The following LMTK3 variants were observed in gnomAD, a reference collection of about 807,000 sequenced individuals.
LMTK3 encodes the protein serine/threonine-protein kinase LMTK3.
A neutral mutation model predicts 116.7 loss-of-function variants in LMTK3; 27 were observed. The observed-to-expected ratio is 0.23, with a 90% CI of 0.17 to 0.32. The LOEUF is 0.32. Among genes scored for constraint, LMTK3 ranks in the 10% least tolerant of loss-of-function variants. The pLI is 1.00. For synonymous variants in LMTK3, 965 were observed against 971.0 expected (o/e 0.99, Z 0.11); for missense variants, 1,764 against 2,068.5 (o/e 0.85, Z 2.86).
In LMTK3 at chr19:48,498,320, G is replaced by C; in HGVS notation, c.2749C>G (p.Pro917Ala). The C allele has an allele frequency of 1.9e-6, 3 of 1,613,296 alleles. No individual in the cohort carries two copies. The highest frequency in any genetic ancestry group is 2.5e-6 in the Non-Finnish European group (3 of 1,179,714). Reference protein sequence around the residue: ...PTVLGNGKQAPSLSLPVNGVT... With the variant: ...PTVLGNGKQAASLSLPVNGVT... ...CCGTTCACTGGGAGGCTCAGGCTTG[G>C]GGCTTGTTTCCCGTTGCCCAGGACT... The change falls in exon 11 of 15, where the codon CCA becomes GCA. Residue 917 changes from proline to alanine, a missense_variant. Around this residue, in one of 7 missense-constraint regions of LMTK3, gnomAD observed 1,028 missense variants for 1,050.6 expected, o/e 0.98. Coordinates refer to ENST00000600059, the MANE Select transcript of LMTK3 (RefSeq NM_001388485.1).
chr19:48,498,762 G>A lies in LMTK3; in HGVS notation c.2307C>T (p.Ser769=), dbSNP rs1450562296. The stretch of plus-strand genomic sequence containing the variant: ...TGGCCACGGCCGAAGGGGGGTCGGG[G>A]GACGCGGCCGGGTCCGCGGGGGCCC... The part of the protein sequence containing the change: ...PPRAPADPAA[S]PDPPSAVASP... Residue 769 remains serine, a synonymous_variant, in exon 11 of 15, where the codon TCC becomes TCT. Coordinates refer to ENST00000600059, the MANE Select transcript of LMTK3 (RefSeq NM_001388485.1). The A allele has an allele frequency of 1.2e-5, 18 of 1,486,794 alleles. No homozygotes were observed. The Middle Eastern group carries it at 6.9e-4, about 57-fold the overall frequency. 92.1% of individuals were successfully genotyped at this position (1,486,794 alleles called of 1,614,324 possible).
rs1972660690 is a variant in LMTK3 at position 48,511,529 on chromosome 19, G to A, written c.48C>T (p.Ser16=). The A allele has an allele frequency of 1.4e-6, 2 of 1,421,080 alleles. No individual in the cohort carries two copies. The highest frequency in any genetic ancestry group is 1.9e-6 in the Non-Finnish European group (2 of 1,073,664). The allele number at this position is 1,421,080 out of a possible 1,614,324, so 88.0% of individuals were successfully genotyped here. A position where few individuals can be genotyped will look rare whatever the true frequency, so the allele number is the denominator to read the frequency against. ...GGTGGGCCGGGGACGCCAGGCAGCCGGAGGCGGAGACGGCCGCAAGGAGGA... is the reference window on the plus strand; with the variant it reads ...GGTGGGCCGGGGACGCCAGGCAGCCAGAGGCGGAGACGGCCGCAAGGAGGA... ...ALILLAAVSA[S]GCLASPAHPD... The change falls in exon 1 of 15, where the codon TCC becomes TCT. Residue 16 remains serine (S), a synonymous_variant. Coordinates refer to ENST00000600059, the MANE Select transcript of LMTK3 (RefSeq NM_001388485.1).
chr19:48,499,958 G>A, intron 10 of LMTK3, 41 bp from the exon 11 acceptor site: 1 of 1,527,802 alleles, frequency 6.5e-7, no homozygotes, highest in Non-Finnish European at 8.8e-7. Context: ...CAGAGACCCA[G>A]GGAGGGGAAA....
At chr19:48,513,199 A>G, upstream of LMTK3, 1 of 1,580,880 alleles carries the variant, frequency 6.3e-7, no homozygotes, top group Non-Finnish European at 8.6e-7. The surrounding 1 kb of genome is among the most constrained non-coding windows in gnomAD (Gnocchi z 5.6). Context: ...TACAAAAGAT[A>G]CATGATCATA....
chr19:48,501,973 T>G, intron 7 of LMTK3, among the ~76,000 whole-genome samples: 1 of 41,876 alleles, frequency 2.4e-5, no homozygotes, highest in Admixed American at 3.2e-4. Flanking sequence ...CCCCCTCCCC[T>G]GGCTCCTCTT....
At chr19:48,511,470 A>C in intron 1 of LMTK3, 31 bp downstream of exon 1, 2 of 1,145,728 alleles carry the variant, frequency 1.7e-6, no homozygotes. Context: ...GGTGGGGGCC[A>C]CCGGACAGAC....
chr19:48,496,098 CTGTT>C (rs1972317361), intron 11 of LMTK3, among the ~76,000 whole-genome samples: 1 of 151,880 alleles, frequency 6.6e-6, no homozygotes, highest in Non-Finnish European at 1.5e-5. Flanking sequence ...TTGTTTGTTT[CTGTT>C]TGTTTTGTTT....
chr19:48,498,790 G>A lies in LMTK3; in HGVS notation c.2279C>T (p.Pro760Leu), dbSNP rs1446672810. ...CGCGGCCGGGTCCGCGGGGGCCCGA[G>A]GAGGTGGCGGCGGGGGGGGGGGAGC... Reference protein sequence around the residue: ...PPAPPPPPPPPRAPADPAASP... With the variant: ...PPAPPPPPPPLRAPADPAASP... The change falls in exon 11 of 15, where the codon CCT becomes CTT. Residue 760 changes from proline to leucine, a missense_variant. Physicochemically the swap from Pro to Leu is moderately conservative, Grantham distance 98. Transcript: ENST00000600059. 7.7e-7 allele frequency: 1 copy of A among 1,290,356 alleles called. No homozygotes were observed. Among genetic ancestry groups the A allele is most frequent in the Non-Finnish European group, 1.0e-6 (1 of 996,922 alleles). 79.9% of individuals were successfully genotyped at this position (1,290,356 alleles called of 1,614,324 possible). A position where few individuals can be genotyped will look rare whatever the true frequency, so the allele number is the denominator to read the frequency against.
Position 48,510,528 on chromosome 19 carries a change from G to A in LMTK3, c.141C>T (p.Ser47=), listed in dbSNP as rs746604832. The change falls in exon 2 of 15, where the codon TCC becomes TCT. Residue 47 remains serine, a synonymous_variant. Coordinates refer to ENST00000600059, the MANE Select transcript of LMTK3 (RefSeq NM_001388485.1). ...GGAGGAAGATGAAGGCCAGCAGGCCGGAGCAGGAAATGAGGACCACAGCGT... is the reference window on the plus strand; with the variant it reads ...GGAGGAAGATGAAGGCCAGCAGGCCAGAGCAGGAAATGAGGACCACAGCGT... The part of the protein sequence containing the change: ...PPYAVVLISC[S]GLLAFIFLLL... 4 of 1,599,906 alleles carry A rather than the reference G, an allele frequency of 2.5e-6. No homozygotes were observed. Among genetic ancestry groups the A allele is most frequent in the African/African-American group, 1.3e-5 (1 of 74,748 alleles).
At chr19:48,508,778 C>T in intron 5 of LMTK3, 73 bp downstream of exon 5, 4 of 1,142,140 alleles carry the variant, frequency 3.5e-6, no homozygotes, top group Non-Finnish European at 5.3e-6. Flanking sequence ...CCAGGTGTGA[C>T]CCCATACAGC....
At chr19:48,492,843 TC>T (rs1972249423) in intron 12 of LMTK3, among the ~76,000 whole-genome samples, 1 of 152,006 alleles carries the variant, frequency 6.6e-6, no homozygotes, top group African/African-American at 2.4e-5. Context: ...CTCCTCGCCC[TC>T]TAGACCACGC....
Position 48,499,599 on chromosome 19 carries a change from C to A in LMTK3, c.1470G>T (p.Arg490=), listed in dbSNP as rs1440089290. 1 of 1,538,622 alleles carries A rather than the reference C, an allele frequency of 6.5e-7. No homozygotes were observed. Residue 490 remains arginine (R), a synonymous_variant, in exon 11 of 15, where the codon CGG becomes CGT. Transcript: ENST00000600059. Reference sequence around the variant, plus strand: ...GCTGCCAGGCAGGTGCCCCCCCACCCCGGCCGGCCCCACGCCGGGCCTTCT... The same window carrying A: ...GCTGCCAGGCAGGTGCCCCCCCACCACGGCCGGCCCCACGCCGGGCCTTCT... ...LWEKARRGAG[R]GGGAPAWQPA... is the part of the protein sequence containing the mutation.
intron 1 of LMTK3, 107 bp downstream of exon 1, chr19:48,511,394 C>T (rs1026633235): frequency 4.6e-6 from 2 of 436,052 alleles, no homozygotes; most frequent in Non-Finnish European, 7.7e-6. Flanking sequence ...TGCGGGAAGA[C>T]GCGCACCAGG....
At position 48,500,019 on chromosome 19, in the gene LMTK3, A is replaced by G; in HGVS notation, c.1152-102T>C. 1 of 1,155,994 alleles carries G rather than the reference A, an allele frequency of 8.7e-7. No individual in the cohort carries two copies. Among genetic ancestry groups the G allele is most frequent in the Non-Finnish European group, 1.2e-6 (1 of 837,898 alleles). 71.6% of individuals were successfully genotyped at this position (1,155,994 alleles called of 1,614,324 possible). A position where few individuals can be genotyped will look rare whatever the true frequency, so the allele number is the denominator to read the frequency against. The stretch of plus-strand genomic sequence containing the variant: ...CAGAGAGAGGGGGACAGAGACCCAG[A>G]GGGTAACAGAGACCCAGAGAGAGGG... On this transcript the variant is annotated intron_variant, in intron 10 of 14. Transcript: ENST00000600059. This position sits in a 1 kb window ranked among gnomAD's most constrained non-coding sequence, Gnocchi z 4.0.
Position 48,491,353 on chromosome 19 carries a change from C to T in LMTK3, c.4228+51G>A, listed in dbSNP as rs1329017928. 35 of 1,349,918 alleles carry T rather than the reference C, an allele frequency of 2.6e-5. No homozygotes were observed. Among genetic ancestry groups the T allele is most frequent in the Admixed American group, 3.9e-5 (1 of 25,560 alleles). The allele number at this position is 1,349,918 out of a possible 1,614,324, so 83.6% of individuals were successfully genotyped here. ...CCCTCCCACCCCATAGACCCCGCCC[C>T]GTCCGCCCCATGGCTCCCGCCCCCT... is the stretch of plus-strand genomic sequence containing the variant. On this transcript the variant is annotated intron_variant, in intron 13 of 14. Coordinates refer to ENST00000600059, the MANE Select transcript of LMTK3 (RefSeq NM_001388485.1). The surrounding 1 kb of genome is among the most constrained non-coding windows in gnomAD (Gnocchi z 5.1).
At position 48,497,560 on chromosome 19, in the gene LMTK3, G is replaced by A. The variant is rs1972351100; in HGVS notation, c.3509C>T (p.Pro1170Leu). 7.3e-7 allele frequency: 1 copy of A among 1,363,238 alleles called. No homozygotes were observed. The highest frequency in any genetic ancestry group is 9.5e-7 in the Non-Finnish European group (1 of 1,055,536). 84.4% of individuals were successfully genotyped at this position (1,363,238 alleles called of 1,614,324 possible). The change falls in exon 11 of 15, where the codon CCG (proline) becomes CTG (leucine). Residue 1170 changes from proline to leucine, a missense_variant. Coordinates refer to ENST00000600059, the MANE Select transcript of LMTK3 (RefSeq NM_001388485.1). This position sits in a 1 kb window ranked among gnomAD's most constrained non-coding sequence, Gnocchi z 5.7. The part of the protein sequence containing the change: ...RLEPAPPRAR[P>L]EVAPEGEPGA... ...GGGCTCTCCCTCGGGGGCCACCTCCGGCCTGGCTCTCGGGGGCGCTGGCTC... is the reference window on the plus strand; with the variant it reads ...GGGCTCTCCCTCGGGGGCCACCTCCAGCCTGGCTCTCGGGGGCGCTGGCTC...
chr19:48,505,303 G>A (rs566984825), intron 5 of LMTK3, among the ~76,000 whole-genome samples: 5 of 150,244 alleles, frequency 3.3e-5, no homozygotes, highest in Middle Eastern at 3.5e-3. Flanking sequence ...TATTAGAGAC[G>A]GGATTTCACC....
At chr19:48,503,059 C>T in intron 5 of LMTK3, 63 bp from the exon 6 acceptor site, 2 of 997,684 alleles carry the variant, frequency 2.0e-6, no homozygotes, top group South Asian at 2.7e-5. Context: ...CTGCCCCAAC[C>T]CCCAGCAGAA....
chr19:48,498,471 C>T lies in LMTK3; in HGVS notation c.2598G>A (p.Leu866=). Residue 866 remains leucine, a synonymous_variant, in exon 11 of 15, where the codon CTG becomes CTA. Transcript: ENST00000600059. ...QVSTEQLLMS[L]REDVTRNLLG... ...GGAGGTTCCTTGTCACATCCTCCCGCAGGGACATCAGCAGCTGTTCCGTGC... is the reference window on the plus strand; with the variant it reads ...GGAGGTTCCTTGTCACATCCTCCCGTAGGGACATCAGCAGCTGTTCCGTGC... 6.2e-7 allele frequency: 1 copy of T among 1,601,586 alleles called. No individual in the cohort carries two copies. Among genetic ancestry groups the T allele is most frequent in the Non-Finnish European group, 8.5e-7 (1 of 1,174,050 alleles).
Sources: allele counts gnomAD v4.1 joint callset (sites outside exome capture counted in the v4.1 genomes callset), GRCh38; gene constraint gnomAD v4.1.1; regional missense constraint gnomAD v4.1.1; non-coding constraint Gnocchi (gnomAD v3.1); transcripts MANE v1.5; gene names NCBI Gene and HGNC (gene_info 2026-07-23, HGNC 2026-07-21).